HERC1: variants seen among roughly 807,000 people sequenced by gnomAD.
HERC1 encodes the protein HECT and RLD domain containing E3 ubiquitin protein ligase family member 1, also known as probable E3 ubiquitin-protein ligase HERC1.
HERC1 carries 160 observed loss-of-function variants against 554.3 expected under a neutral mutation model. That is an observed-to-expected ratio of 0.29 (90% confidence interval 0.25 to 0.33). The LOEUF (loss-of-function observed/expected upper bound fraction) is 0.33, where lower values mean the gene tolerates loss of function less well. HERC1 is among the 10% of genes least tolerant of loss of function. The pLI is 1.00. For missense variants in HERC1, 4,919 were observed against 5,918.5 expected (o/e 0.83, Z 5.54); for synonymous variants, 2,175 against 2,131.7 (o/e 1.02, Z -0.56).
Position 63,694,058 on chromosome 15 carries a change from A to AT in HERC1, c.5579dup (p.His1860GlnfsTer14). ...GCTCCCCTTCTCCGAAAGAGGCCATATGTAGTACACCAGTTTGGGACAATA... is the reference window on the plus strand; with the variant it reads ...GCTCCCCTTCTCCGAAAGAGGCCATATTGTAGTACACCAGTTTGGGACAATA... On this transcript the variant is annotated frameshift_variant, in exon 30 of 78. Transcript: ENST00000443617. LOFTEE classifies it high-confidence loss of function. This position sits in a 1 kb window ranked among gnomAD's most constrained non-coding sequence, Gnocchi z 4.3. The AT allele has an allele frequency of 1.2e-6, 2 of 1,607,666 alleles. No individual in the cohort carries two copies. The highest frequency in any genetic ancestry group is 1.7e-6 in the Non-Finnish European group (2 of 1,176,896).
rs1330414098 is a variant in HERC1 at position 63,624,169 on chromosome 15, C to T, written c.13434G>A (p.Arg4478=). The change falls in exon 72 of 78, where the codon AGG becomes AGA. Residue 4478 remains arginine, a synonymous_variant. Transcript: ENST00000443617. ...KNYGPQITVK[R]ISTRGRKCKP... ...ATACATATGCTAACCTGGTTGATAT[C>T]CTCTTTACAGTTATCTGAGGTCCAT... is the stretch of plus-strand genomic sequence containing the variant. 2 of 1,611,734 alleles carry T rather than the reference C, an allele frequency of 1.2e-6. No homozygotes were observed. Among genetic ancestry groups the T allele is most frequent in the East Asian group, 2.2e-5 (1 of 44,860 alleles).
rs779765444 is a variant in HERC1 at position 63,747,187 on chromosome 15, C to T, written c.2355-104G>A. The T allele has an allele frequency of 4.9e-4, 499 of 1,012,242 alleles. 1 individual carries two copies. The highest frequency in any genetic ancestry group is 5.3e-4 in the Middle Eastern group (2 of 3,800). 62.7% of individuals were successfully genotyped at this position (1,012,242 alleles called of 1,614,324 possible). A position where few individuals can be genotyped will look rare whatever the true frequency, so the allele number is the denominator to read the frequency against. ...CTTTAAAAATTTTGTTGGCTAGGTG[C>T]GGTGGCTCATGCCTGTAATCCCAGC... On this transcript the variant is annotated intron_variant, in intron 11 of 77. Coordinates refer to ENST00000443617, the MANE Select transcript of HERC1 (RefSeq NM_003922.4).
intron 1 of HERC1, among the ~76,000 whole-genome samples, chr15:63,804,650 A>C (rs2077086212): frequency 6.6e-6 from 1 of 152,166 alleles, no homozygotes; most frequent in Non-Finnish European, 1.5e-5. Flanking sequence ...TACATAAATA[A>C]GAAAATGAAA....
intron 1 of HERC1, among the ~76,000 whole-genome samples, chr15:63,812,395 A>G (rs1226615986): frequency 1.3e-5 from 2 of 152,220 alleles, no homozygotes; most frequent in African/African-American, 4.8e-5. Flanking sequence ...GGAAAATCTA[A>G]AAGGCCAAAC....
intron 1 of HERC1, among the ~76,000 whole-genome samples, chr15:63,805,986 C>T (rs1449657587): frequency 6.6e-6 from 1 of 151,806 alleles, no homozygotes; most frequent in Non-Finnish European, 1.5e-5. Context: ...TACTTGCAGG[C>T]CCTGCCTCTT....
At chr15:63,806,878 G>A (rs1386078572) in intron 1 of HERC1, among the ~76,000 whole-genome samples, 1 of 152,210 alleles carries the variant, frequency 6.6e-6, no homozygotes, top group African/African-American at 2.4e-5. Flanking sequence ...CTCCCAAACA[G>A]CTGGGATTAC....
intron 1 of HERC1, among the ~76,000 whole-genome samples, chr15:63,810,728 A>T: frequency 6.6e-6 from 1 of 152,274 alleles, no homozygotes; most frequent in East Asian, 1.9e-4. Context: ...ATCTCAAAAT[A>T]CCACCACCTA....
chr15:63,823,813 T>C (rs1237744203), intron 1 of HERC1, among the ~76,000 whole-genome samples: 1 of 152,188 alleles, frequency 6.6e-6, no homozygotes, highest in African/African-American at 2.4e-5. Flanking sequence ...TTGGGAATAA[T>C]TTAAAATGAG....
intron 57 of HERC1, among the ~76,000 whole-genome samples, chr15:63,643,836 A>C (rs1002368940): frequency 1.3e-5 from 2 of 152,252 alleles, no homozygotes; most frequent in African/African-American, 4.8e-5. Flanking sequence ...CCTCAGAGAC[A>C]GGAAAATACT....
chr15:63,649,132 A>G (rs1159493414), intron 54 of HERC1, among the ~76,000 whole-genome samples: 1 of 152,184 alleles, frequency 6.6e-6, no homozygotes, highest in Non-Finnish European at 1.5e-5. Flanking sequence ...AGGTGGGCGG[A>G]TCACAAGGTG....
Position 63,764,179 on chromosome 15 carries a change from C to T in HERC1, c.943G>A (p.Asp315Asn). ...QMRRSLGSSA[D>N]RSQWREPTRT... ...GTTGGTTCTCTCCACTGACTCCGAT[C>T]AGCAGATGAACCCTATAATTAAAAC... Residue 315 changes from aspartate (D) to asparagine (N), a missense_variant, in exon 3 of 78, where the codon GAT becomes AAT. Coordinates refer to ENST00000443617, the MANE Select transcript of HERC1 (RefSeq NM_003922.4). 6.2e-7 allele frequency: 1 copy of T among 1,607,806 alleles called. No homozygotes were observed. The highest frequency in any genetic ancestry group is 8.5e-7 in the Non-Finnish European group (1 of 1,176,312).
intron 1 of HERC1, among the ~76,000 whole-genome samples, chr15:63,825,989 C>G (rs2077888617): frequency 6.6e-6 from 1 of 152,032 alleles, no homozygotes; most frequent in South Asian, 2.1e-4. Flanking sequence ...TCTCAAACTC[C>G]TGACCTCAGG....
In HERC1 at chr15:63,775,759, C is replaced by T. The variant is rs1269207173; in HGVS notation, c.-26-110G>A. On this transcript the variant is annotated intron_variant, in intron 1 of 77. Coordinates refer to ENST00000443617, the MANE Select transcript of HERC1 (RefSeq NM_003922.4). The surrounding 1 kb of genome is among the most constrained non-coding windows in gnomAD (Gnocchi z 4.0). ...TGATTTCAAACTGGTGAAATGCAGC[C>T]GGGTGCGGTGGCTCACGCCTGTAAT... The T allele has an allele frequency of 7.6e-6, 6 of 791,380 alleles. No individual in the cohort carries two copies. Among genetic ancestry groups the T allele is most frequent in the Admixed American group, 3.1e-5 (1 of 32,470 alleles). 49.0% of individuals were successfully genotyped at this position (791,380 alleles called of 1,614,324 possible).
chr15:63,743,266 T>TTC (rs1320565018), intron 12 of HERC1, among the ~76,000 whole-genome samples: 46 of 143,504 alleles, frequency 3.2e-4, no homozygotes, highest in Admixed American at 1.4e-3. Context: ...TCTTTTTCTT[T>TTC]TTTTTTTTTT....
chr15:63,757,814 A>G (rs2075479818), intron 4 of HERC1, among the ~76,000 whole-genome samples: 1 of 152,098 alleles, frequency 6.6e-6, no homozygotes, highest in African/African-American at 2.4e-5. Flanking sequence ...GGTTCAAGCT[A>G]TTCTTCTGCC....
intron 12 of HERC1, among the ~76,000 whole-genome samples, chr15:63,739,195 C>CTTTTTTTT (rs1205943240): frequency 1.3e-4 from 13 of 102,248 alleles, no homozygotes; most frequent in Non-Finnish European, 1.5e-4. Context: ...CACTAATATA[C>CTTTTTTTT]TTTTTTTTTT....
At chr15:63,808,257 T>C (rs1276651947) in intron 1 of HERC1, among the ~76,000 whole-genome samples, 1 of 152,160 alleles carries the variant, frequency 6.6e-6, no homozygotes, top group Non-Finnish European at 1.5e-5. Context: ...GCTATCAAAC[T>C]TGGGTGGTTT....
rs140383419 is a variant in HERC1 at position 63,684,201 on chromosome 15, T to C, written c.6225+2158A>G. On this transcript the variant is annotated intron_variant, in intron 34 of 77. Transcript: ENST00000443617. ...TGATGTCCCAACATGTTAAGCTTTC[T>C]AGAATAGTTGCAGTTTGCAACAAGG... 6.0e-4 allele frequency among the ~76,000 whole-genome samples: 92 copies of C among 152,326 alleles called. No individual in the cohort carries two copies. In the East Asian group the frequency reaches 0.018, roughly 29 times the overall value.
At position 63,630,546 on chromosome 15, in the gene HERC1, C is replaced by T. The variant is rs2068501476; in HGVS notation, c.12886G>A (p.Val4296Met). 6.2e-7 allele frequency: 1 copy of T among 1,614,042 alleles called. No individual in the cohort carries two copies. The highest frequency in any genetic ancestry group is 8.5e-7 in the Non-Finnish European group (1 of 1,179,886). Residue 4296 changes from valine (V) to methionine (M), a missense_variant, in exon 69 of 78, where the codon GTG becomes ATG. Transcript: ENST00000443617. ...PVLAGVIIEDVAVGAEHTLAL... is the reference protein window; with the variant it reads ...PVLAGVIIEDMAVGAEHTLAL... ...AGTGTGTGTTCAGCTCCAACTGCCA[C>T]ATCTTCTATGATTACTCCAGCCAGG...
Sources: gnomAD v4.1 joint callset for allele counts (sites outside exome capture counted in the v4.1 genomes callset) on GRCh38, gnomAD v4.1.1 for gene constraint, Gnocchi (gnomAD v3.1) non-coding constraint, MANE v1.5 for transcripts, NCBI Gene and HGNC (gene_info 2026-07-23, HGNC 2026-07-21) for gene names.